ELP4: variants seen among roughly 807,000 people sequenced by gnomAD.
The protein encoded by ELP4 is elongator acetyltransferase complex subunit 4, also known as elongator complex protein 4.
Under a neutral mutation model 48.9 loss-of-function variants are expected in ELP4, and 51 were observed. That is an observed-to-expected ratio of 1.04 (90% CI 0.83 to 1.32). The LOEUF (loss-of-function observed/expected upper bound fraction) is 1.32, where lower values mean the gene tolerates loss of function less well. ELP4 is among the 40% of genes most tolerant of loss of function. The probability of loss-of-function intolerance (pLI) is 0.00; values close to 1 mark genes in which losing one functional copy is unlikely to be tolerated. For synonymous variants in ELP4, 210 were observed against 189.2 expected (o/e 1.11, Z -0.90); for missense variants, 519 against 514.6 (o/e 1.01, Z -0.08).
At chr11:31,570,156 T>C (rs1013857185) in intron 3 of ELP4, among the ~76,000 whole-genome samples, 1 of 152,214 alleles carries the variant, frequency 6.6e-6, no homozygotes, top group Non-Finnish European at 1.5e-5. Context: ...GTAATACATA[T>C]ATACCATGGA....
intron 3 of ELP4, among the ~76,000 whole-genome samples, chr11:31,587,388 A>C (rs970329146): frequency 6.6e-6 from 1 of 152,204 alleles, no homozygotes; most frequent in Non-Finnish European, 1.5e-5. Flanking sequence ...GAGGGAGAGG[A>C]GTTAAGAGAA....
chr11:31,579,295 G>A (rs1341227404), intron 3 of ELP4, among the ~76,000 whole-genome samples: 3 of 152,198 alleles, frequency 2.0e-5, no homozygotes, highest in Non-Finnish European at 2.9e-5. Context: ...ACAGGTGCTG[G>A]AGAGGATGTG....
At chr11:31,719,445 C>A in intron 9 of ELP4, 1 of 397,860 alleles carries the variant, frequency 2.5e-6, no homozygotes, top group South Asian at 1.3e-4. Flanking sequence ...TTTTATAATT[C>A]TAATAATGAA....
At chr11:31,778,457 A>G (rs1948294261) in intron 9 of ELP4, among the ~76,000 whole-genome samples, 1 of 152,204 alleles carries the variant, frequency 6.6e-6, no homozygotes, top group Non-Finnish European at 1.5e-5. Flanking sequence ...ATATTTGTAG[A>G]TTGATTTCCT....
intron 3 of ELP4, among the ~76,000 whole-genome samples, chr11:31,582,293 C>G (rs1364399193): frequency 6.6e-6 from 1 of 152,194 alleles, no homozygotes; most frequent in Non-Finnish European, 1.5e-5. Flanking sequence ...TGGCAGAAAG[C>G]ACTTTAAAAC....
rs904480284 is a variant in ELP4, at chr11:31,784,367, A to G, written c.*843A>G. ...CATAAATATTTTGTTAATAATGAAC[A>G]TTGGTTGAGTGTGTAAATTTCTAAC... is the stretch of plus-strand genomic sequence containing the variant. On this transcript the variant is annotated 3_prime_UTR_variant, in exon 10 of 10. Coordinates refer to ENST00000640961, the MANE Select transcript of ELP4 (RefSeq NM_019040.5). 1.3e-5 allele frequency: 2 copies of G among 152,192 alleles called. No homozygotes were observed. The highest frequency in any genetic ancestry group is 2.9e-5 in the Non-Finnish European group (2 of 67,996). 9.4% of individuals were successfully genotyped at this position (152,192 alleles called of 1,614,324 possible).
chr11:31,729,009 C>T (rs1343740261), intron 9 of ELP4, among the ~76,000 whole-genome samples: 2 of 152,048 alleles, frequency 1.3e-5, no homozygotes, highest in Non-Finnish European at 2.9e-5. Context: ...TATTAAAGCA[C>T]AAAATAGTCT....
intron 8 of ELP4, 22 bp from the exon 9 acceptor site, chr11:31,650,093 C>T (rs1384629590): frequency 4.0e-6 from 4 of 1,007,850 alleles, no homozygotes; most frequent in Admixed American, 2.0e-5. Context: ...AATTTTTTTT[C>T]TTTTAATTTC....
chr11:31,534,753 T>A (rs1956470986), intron 2 of ELP4, among the ~76,000 whole-genome samples: 1 of 152,238 alleles, frequency 6.6e-6, no homozygotes, highest in Non-Finnish European at 1.5e-5. Flanking sequence ...AAATTAAAAA[T>A]TTTAATGTCA....
At chr11:31,704,091 A>T (rs1433579113) in intron 9 of ELP4, among the ~76,000 whole-genome samples, 2 of 148,300 alleles carry the variant, frequency 1.3e-5, no homozygotes, top group East Asian at 2.0e-4. Context: ...AATAGAATTT[A>T]AAAAAAAAAA....
Position 31,786,367 on chromosome 11 carries a change from A to C in ELP4, c.*2843A>C, listed in dbSNP as rs889802399. 4 of 212,190 alleles carry C rather than the reference A, an allele frequency of 1.9e-5. No individual in the cohort carries two copies. The highest frequency in any genetic ancestry group is 6.8e-5 in the African/African-American group (3 of 44,240). 13.1% of individuals were successfully genotyped at this position (212,190 alleles called of 1,614,324 possible). On this transcript the variant is annotated 3_prime_UTR_variant, in exon 10 of 10. Transcript: ENST00000640961. ...CACCGTCAACATTATTGAAATAAGCAGTACTAACCCTAAGTACTTACACTT... is the reference window on the plus strand; with the variant it reads ...CACCGTCAACATTATTGAAATAAGCCGTACTAACCCTAAGTACTTACACTT...
intron 9 of ELP4, among the ~76,000 whole-genome samples, chr11:31,759,082 A>G (rs1340164615): frequency 6.6e-6 from 1 of 152,196 alleles, no homozygotes; most frequent in Non-Finnish European, 1.5e-5. Context: ...ATTGCTTAAT[A>G]TGTTTTTATT....
At chr11:31,745,320 G>A (rs1056839577) in intron 9 of ELP4, among the ~76,000 whole-genome samples, 5 of 152,082 alleles carry the variant, frequency 3.3e-5, no homozygotes, top group African/African-American at 1.2e-4. Flanking sequence ...ACTGCCCAAG[G>A]TAATTTATAG....
rs368223147 is a variant in ELP4 at position 31,736,263 on chromosome 11, T to G, written c.1144-47130T>G. Among the ~76,000 whole-genome samples the G allele has an allele frequency of 6.8e-4, 104 of 152,196 alleles. 1 individual carries two copies. Among genetic ancestry groups the G allele is most frequent in the African/African-American group, 2.1e-3 (87 of 41,532 alleles). On this transcript the variant is annotated intron_variant, in intron 9 of 9. Coordinates refer to ENST00000640961, the MANE Select transcript of ELP4 (RefSeq NM_019040.5). ...TTTAATAAATGGTGCTGGGAAAACT[T>G]GCTAGCCATATGTAGAAAGCTGAAA... is the stretch of plus-strand genomic sequence containing the variant.
intron 8 of ELP4, chr11:31,648,935 A>G (rs942908645): frequency 1.3e-5 from 2 of 151,632 alleles, no homozygotes; most frequent in African/African-American, 4.8e-5. Context: ...TAGCTAAGCA[A>G]GCACATTCAA....
chr11:31,548,138 G>A (rs1956769616), intron 3 of ELP4, among the ~76,000 whole-genome samples: 2 of 152,278 alleles, frequency 1.3e-5, no homozygotes, highest in South Asian at 4.1e-4. Context: ...TCTGGCCAGG[G>A]CAATTAGGCA....
intron 3 of ELP4, among the ~76,000 whole-genome samples, chr11:31,570,684 G>A (rs538409303): frequency 3.3e-5 from 5 of 151,752 alleles, no homozygotes; most frequent in African/African-American, 1.2e-4. Context: ...ATGTTGGCCA[G>A]GCTGGTCTCG....
intron 9 of ELP4, among the ~76,000 whole-genome samples, chr11:31,691,355 G>C (rs1366617747): frequency 6.6e-6 from 1 of 152,022 alleles, no homozygotes; most frequent in South Asian, 2.1e-4. Context: ...GGGATAAGCT[G>C]CTCACTTAGA....
chr11:31,621,674 G>A (rs981643874), intron 5 of ELP4, among the ~76,000 whole-genome samples: 4 of 151,682 alleles, frequency 2.6e-5, no homozygotes, highest in Admixed American at 6.6e-5. Flanking sequence ...TTTATACATC[G>A]TGTACCAAGT....
Sources: gnomAD v4.1 joint callset for allele counts (sites outside exome capture counted in the v4.1 genomes callset) on GRCh38, gnomAD v4.1.1 for gene constraint, MANE v1.5 for transcripts, NCBI Gene and HGNC (gene_info 2026-07-23, HGNC 2026-07-21) for gene names.